STX12: variants seen among roughly 807,000 people sequenced by gnomAD.
The protein encoded by STX12 is syntaxin-12.
A neutral mutation model predicts 42.2 loss-of-function variants in STX12; 17 were observed. The ratio of observed to expected loss-of-function variants is 0.40; its 90% confidence interval spans 0.28 to 0.60. STX12 has a LOEUF of 0.60. Among genes scored for constraint, STX12 ranks in the 20% least tolerant of loss-of-function variants. STX12 has a pLI of 0.39. For synonymous variants in STX12, 108 were observed against 116.7 expected, an observed-to-expected ratio of 0.93 and a Z score of 0.48; for missense variants, 297 against 330.9, an observed-to-expected ratio of 0.90 and a Z score of 0.79.
rs560085036 is a variant in STX12, at chr1:27,786,697, C to T, written c.119-2865C>T. Among the ~76,000 whole-genome samples the T allele has an allele frequency of 2.5e-4, 38 of 152,294 alleles. 1 individual carries two copies. In the South Asian group the frequency reaches 7.7e-3, roughly 31 times the overall value. On this transcript the variant is annotated intron_variant, in intron 1 of 8. Coordinates refer to ENST00000373943, the MANE Select transcript of STX12 (RefSeq NM_177424.3). Reference sequence around the variant, plus strand: ...TGAGTTCTGTAACTCTCAGGAGCCTCATTGTGCTCATATGCAACAATGGAA... The same window carrying T: ...TGAGTTCTGTAACTCTCAGGAGCCTTATTGTGCTCATATGCAACAATGGAA...
chr1:27,814,810 G>A (rs977188307), intron 6 of STX12, among the ~76,000 whole-genome samples: 1 of 146,616 alleles, frequency 6.8e-6, no homozygotes, highest in African/African-American at 2.6e-5. Context: ...TTGCACTCCA[G>A]CCTGGCAACA....
chr1:27,804,147 C>T (rs541167122), intron 4 of STX12, among the ~76,000 whole-genome samples: 80 of 152,120 alleles, frequency 5.3e-4, no homozygotes, highest in Non-Finnish European at 8.4e-4. Context: ...ATTCTGTGGC[C>T]GGGCGCAGTG....
intron 2 of STX12, among the ~76,000 whole-genome samples, chr1:27,791,746 C>T (rs927151825): frequency 2.0e-5 from 3 of 151,958 alleles, no homozygotes; most frequent in Admixed American, 1.3e-4. Flanking sequence ...ACCTGGGAGG[C>T]GGAGGTTGCA....
At chr1:27,815,108 G>T (rs2088932049) in intron 6 of STX12, among the ~76,000 whole-genome samples, 1 of 152,060 alleles carries the variant, frequency 6.6e-6, no homozygotes, top group African/African-American at 2.4e-5. Flanking sequence ...ATATAGAGAT[G>T]ATTTAGAATA....
At chr1:27,795,467 G>A (rs1007223937) in intron 3 of STX12, among the ~76,000 whole-genome samples, 1 of 151,844 alleles carries the variant, frequency 6.6e-6, no homozygotes, top group African/African-American at 2.4e-5. Context: ...TACCACGCTC[G>A]GCTAATTTTT....
At chr1:27,798,644 CA>C (rs71010374) in intron 3 of STX12, among the ~76,000 whole-genome samples, 10,050 of 48,328 alleles carry the variant, frequency 0.21, 1,103 homozygotes, top group African/African-American at 0.46. Context: ...GACTCCCTCT[CA>C]AAAAAAAAAA....
At position 27,823,453 on chromosome 1, in the gene STX12, A is replaced by G. The variant is rs1164390944; in HGVS notation, c.*1124A>G. The G allele has an allele frequency of 6.5e-6, 1 of 152,692 alleles. No individual in the cohort carries two copies. The highest frequency in any genetic ancestry group is 1.5e-5 in the Non-Finnish European group (1 of 68,046). The allele number at this position is 152,692 out of a possible 1,614,324, so 9.5% of individuals were successfully genotyped here. A position where few individuals can be genotyped will look rare whatever the true frequency, so the allele number is the denominator to read the frequency against. ...AGTTTTAGACAAAAAAAGATGTTTC[A>G]ATAAAATTACTGTCTTGTAATATAA... is the stretch of plus-strand genomic sequence containing the variant. On this transcript the variant is annotated 3_prime_UTR_variant, in exon 9 of 9. Coordinates refer to ENST00000373943, the MANE Select transcript of STX12 (RefSeq NM_177424.3).
chr1:27,801,088 T>C (rs560054603), intron 3 of STX12, among the ~76,000 whole-genome samples: 1 of 152,280 alleles, frequency 6.6e-6, no homozygotes, highest in African/African-American at 2.4e-5. Flanking sequence ...ATTGCAGTTC[T>C]TTGGAGATTA....
chr1:27,777,071 A>T (rs991000047), intron 1 of STX12, among the ~76,000 whole-genome samples: 1 of 152,184 alleles, frequency 6.6e-6, no homozygotes, highest in African/African-American at 2.4e-5. Flanking sequence ...GATTGTGTGT[A>T]TATGTGTGTT....
rs770240362 is a variant in STX12, at chr1:27,810,299, T to C, written c.470+10T>C. The C allele has an allele frequency of 6.2e-7, 1 of 1,610,368 alleles. No homozygotes were observed. The highest frequency in any genetic ancestry group is 1.1e-5 in the South Asian group (1 of 90,934). ...TGGTCTCATTTGACAGGTAATAGAA[T>C]TATTCATACAACCTGCTGGATAGTT... On this transcript the variant is annotated intron_variant, in intron 5 of 8. Transcript: ENST00000373943.
intron 3 of STX12, among the ~76,000 whole-genome samples, chr1:27,797,945 A>C (rs2088798180): frequency 6.6e-6 from 1 of 151,942 alleles, no homozygotes; most frequent in Admixed American, 6.6e-5. Flanking sequence ...TCCTGGATTT[A>C]AATCCATCTT....
intron 1 of STX12, 104 bp downstream of exon 1, chr1:27,773,529 C>A: frequency 9.5e-7 from 1 of 1,050,738 alleles, no homozygotes; most frequent in Non-Finnish European, 1.4e-6. Flanking sequence ...CGAGGCCACA[C>A]CTGGGGCTGT....
At chr1:27,819,289 A>G (rs1033483095) in intron 7 of STX12, among the ~76,000 whole-genome samples, 1 of 151,390 alleles carries the variant, frequency 6.6e-6, no homozygotes, top group African/African-American at 2.4e-5. Context: ...AAAAAAAAAA[A>G]AGGTAGCAAA....
intron 4 of STX12, among the ~76,000 whole-genome samples, chr1:27,806,898 C>T (rs1428159088): frequency 6.6e-6 from 1 of 152,038 alleles, no homozygotes; most frequent in African/African-American, 2.4e-5. Context: ...ACCAAACAAC[C>T]GGATCTCATG....
chr1:27,781,155 T>A (rs1557797947), intron 1 of STX12, among the ~76,000 whole-genome samples: 1 of 152,072 alleles, frequency 6.6e-6, no homozygotes, highest in Non-Finnish European at 1.5e-5. Flanking sequence ...GCAATTCTCA[T>A]GCCTCAGCCT....
In STX12 at chr1:27,792,171, TAC is replaced by T. The variant is rs1234598824; in HGVS notation, c.189-1360_189-1359del. Among the ~76,000 whole-genome samples, 2 of 127,560 alleles carry T rather than the reference TAC, an allele frequency of 1.6e-5. 1 individual carries two copies. Among genetic ancestry groups the T allele is most frequent in the East Asian group, 4.0e-4 (2 of 4,986 alleles). 83.7% of individuals were successfully genotyped at this position (127,560 alleles called of 152,430 possible). On this transcript the variant is annotated intron_variant, in intron 2 of 8. Transcript: ENST00000373943. ...ATATATGTGTATCTATATATGTATA[TAC>T]ATATATATGTATCTATATATGTATA...
intron 1 of STX12, 131 bp downstream of exon 1, chr1:27,773,556 T>G: frequency 1.3e-6 from 1 of 754,454 alleles, no homozygotes; most frequent in East Asian, 2.7e-5. Context: ...CTGTCCACCC[T>G]GGGGGCGGTG....
intron 1 of STX12, among the ~76,000 whole-genome samples, chr1:27,775,332 C>T (rs1432299171): frequency 6.6e-6 from 1 of 152,168 alleles, no homozygotes. Context: ...TATGCAGTGG[C>T]ATGATCTCAG....
At chr1:27,791,554 G>A (rs1311996959) in intron 2 of STX12, among the ~76,000 whole-genome samples, 6 of 152,238 alleles carry the variant, frequency 3.9e-5, no homozygotes, top group African/African-American at 7.2e-5. Flanking sequence ...AGTGGCTCAC[G>A]CCTGTAATCC....
Sources: allele counts gnomAD v4.1 joint callset (sites outside exome capture counted in the v4.1 genomes callset), GRCh38; gene constraint gnomAD v4.1.1; transcripts MANE v1.5; gene names NCBI Gene and HGNC (gene_info 2026-07-23, HGNC 2026-07-21).